The following BMPR1B variants were observed in gnomAD, a reference collection of about 807,000 sequenced individuals.
BMPR1B encodes the protein bone morphogenetic protein receptor type-1B.
In BMPR1B, 12 loss-of-function variants were observed where a neutral mutation model predicts 59.1. The ratio of observed to expected loss-of-function variants is 0.20; its 90% CI spans 0.13 to 0.33. BMPR1B has a LOEUF of 0.33. BMPR1B is among the 10% of genes least tolerant of loss of function. The probability of loss-of-function intolerance (pLI) is 1.00; values close to 1 mark genes in which losing one functional copy is unlikely to be tolerated. For synonymous variants in BMPR1B, 237 were observed against 207.3 expected (o/e 1.14, Z -1.23); for missense variants, 550 against 610.9 (o/e 0.90, Z 1.05).
At chr4:94,904,507 T>A (rs549543592) in intron 2 of BMPR1B, among the ~76,000 whole-genome samples, 1 of 152,194 alleles carries the variant, frequency 6.6e-6, no homozygotes, top group South Asian at 2.1e-4. Flanking sequence ...ATGGCATTGC[T>A]TTTGCAGTAA....
intron 4 of BMPR1B, among the ~76,000 whole-genome samples, chr4:95,107,025 C>T (rs1258988897): frequency 1.3e-5 from 2 of 151,610 alleles, no homozygotes; most frequent in African/African-American, 2.4e-5. Flanking sequence ...CATATTGTGT[C>T]CTCTGACATT....
At chr4:95,120,702 T>C (rs1407387955) in intron 6 of BMPR1B, among the ~76,000 whole-genome samples, 1 of 141,040 alleles carries the variant, frequency 7.1e-6, no homozygotes, top group Non-Finnish European at 1.5e-5. Flanking sequence ...TTTCTCTCTT[T>C]CTCTCTCTCT....
chr4:94,905,973 C>T (rs1377493737), intron 2 of BMPR1B, among the ~76,000 whole-genome samples: 1 of 148,846 alleles, frequency 6.7e-6, no homozygotes, highest in Non-Finnish European at 1.5e-5. Context: ...TATCAAGCTA[C>T]AAAGGAGTAA....
intron 2 of BMPR1B, among the ~76,000 whole-genome samples, chr4:94,963,823 G>A (rs943869859): frequency 6.6e-6 from 1 of 151,998 alleles, no homozygotes; most frequent in Non-Finnish European, 1.5e-5. Context: ...TAGGTCTTTT[G>A]TGGTTCCATG....
intron 3 of BMPR1B, among the ~76,000 whole-genome samples, chr4:95,043,431 C>T (rs1410687541): frequency 6.6e-6 from 1 of 152,082 alleles, no homozygotes; most frequent in African/African-American, 2.4e-5. Context: ...ATGTAAGTTA[C>T]CTTGAATTCT....
intron 1 of BMPR1B, among the ~76,000 whole-genome samples, chr4:94,810,971 AGTTACGAC>A (rs1240349675): frequency 6.6e-6 from 1 of 152,200 alleles, no homozygotes. Context: ...ACTGGTTATA[AGTTACGAC>A]GTTTATTTGA....
At chr4:94,926,721 T>C (rs951233746) in intron 2 of BMPR1B, among the ~76,000 whole-genome samples, 7 of 152,150 alleles carry the variant, frequency 4.6e-5, no homozygotes, top group Non-Finnish European at 8.8e-5. Flanking sequence ...TGTGTGTGTG[T>C]GTTTGTGTAA....
intron 2 of BMPR1B, among the ~76,000 whole-genome samples, chr4:94,900,516 A>T (rs1727771314): frequency 6.6e-6 from 1 of 152,048 alleles, no homozygotes; most frequent in Non-Finnish European, 1.5e-5. Flanking sequence ...TCTCAGCTAA[A>T]TACAATGCAA....
intron 2 of BMPR1B, among the ~76,000 whole-genome samples, chr4:94,910,364 C>T (rs904598591): frequency 6.6e-6 from 1 of 151,986 alleles, no homozygotes; most frequent in African/African-American, 2.4e-5. Flanking sequence ...AAAAATACAC[C>T]ATGTCTCAGG....
At chr4:95,047,730 G>A (rs1462264438) in intron 3 of BMPR1B, among the ~76,000 whole-genome samples, 1 of 152,080 alleles carries the variant, frequency 6.6e-6, no homozygotes, top group African/African-American at 2.4e-5. Flanking sequence ...CTTCTGAAAG[G>A]GAGATTTTTC....
intron 4 of BMPR1B, among the ~76,000 whole-genome samples, chr4:95,105,123 A>G (rs1731108743): frequency 2.0e-5 from 3 of 152,142 alleles, no homozygotes; most frequent in Non-Finnish European, 1.5e-5. Flanking sequence ...TAGATACTTT[A>G]TAACATTTGA....
chr4:94,947,275 G>C (rs1180168499), intron 2 of BMPR1B, among the ~76,000 whole-genome samples: 1 of 152,152 alleles, frequency 6.6e-6, no homozygotes, highest in Non-Finnish European at 1.5e-5. Context: ...TTTAACAAGT[G>C]AAATTTTTAG....
chr4:95,037,410 G>T (rs1461615133), intron 3 of BMPR1B, among the ~76,000 whole-genome samples: 2 of 152,144 alleles, frequency 1.3e-5, no homozygotes, highest in African/African-American at 4.8e-5. Flanking sequence ...GAACATGTTT[G>T]AGAAAAGAGG....
At chr4:94,793,114 C>G (rs771081423) in intron 1 of BMPR1B, among the ~76,000 whole-genome samples, 4 of 152,014 alleles carry the variant, frequency 2.6e-5, no homozygotes, top group Non-Finnish European at 1.5e-5. Flanking sequence ...TGCGCTGCAC[C>G]CACTATCTCG....
chr4:94,825,616 T>A (rs1386953629), intron 1 of BMPR1B, among the ~76,000 whole-genome samples: 1 of 152,164 alleles, frequency 6.6e-6, no homozygotes, highest in East Asian at 1.9e-4. Context: ...TTGGCAAGAA[T>A]TGGGACCCTT....
chr4:94,930,655 A>T (rs1729063046), intron 2 of BMPR1B, among the ~76,000 whole-genome samples: 1 of 152,134 alleles, frequency 6.6e-6, no homozygotes, highest in South Asian at 2.1e-4. Context: ...CTCACTGCCT[A>T]GTGAGAAGTT....
At chr4:95,137,157 A>G (rs892711400) in intron 10 of BMPR1B, among the ~76,000 whole-genome samples, 41 of 152,208 alleles carry the variant, frequency 2.7e-4, no homozygotes, top group African/African-American at 9.1e-4. Context: ...TTCTGCCTTC[A>G]TTTCGTTATG....
chr4:94,833,988 G>A (rs12512684), intron 1 of BMPR1B, among the ~76,000 whole-genome samples: 18,387 of 152,224 alleles, frequency 0.12, 1,162 homozygotes, highest in Non-Finnish European at 0.13. Flanking sequence ...CTACCCATAC[G>A]TAGTGTGATG....
intron 2 of BMPR1B, among the ~76,000 whole-genome samples, chr4:94,918,109 A>G (rs1007077852): frequency 6.6e-6 from 1 of 152,104 alleles, no homozygotes; most frequent in Non-Finnish European, 1.5e-5. Context: ...AGCTGGCAGA[A>G]CTATGAGCCA....
Sources: allele counts gnomAD v4.1 joint callset (sites outside exome capture counted in the v4.1 genomes callset), GRCh38; gene constraint gnomAD v4.1.1; transcripts MANE v1.5; gene names NCBI Gene and HGNC (gene_info 2026-07-23, HGNC 2026-07-21).